Variants in CDH12 observed in about 807,000 individuals in gnomAD.
CDH12 encodes the protein cadherin 12, also known as cadherin-12.
CDH12 carries 41 observed loss-of-function variants against 74.1 expected under a neutral mutation model. That is an observed-to-expected ratio of 0.55 (90% confidence interval 0.43 to 0.72). The LOEUF is 0.72. Ranked by LOEUF, CDH12 falls within the 30% of genes least tolerant of loss-of-function variation. The pLI is 0.00. For missense variants in CDH12, 945 were observed against 977.2 expected (o/e 0.97, Z 0.44); for synonymous variants, 399 against 355.0 (o/e 1.12, Z -1.39).
At chr5:22,557,737 G>GA (rs1036520241) in intron 1 of CDH12, among the ~76,000 whole-genome samples, 1 of 151,698 alleles carries the variant, frequency 6.6e-6, no homozygotes, top group Middle Eastern at 3.2e-3. Flanking sequence ...GAATTACAAA[G>GA]AAAAAAATCA....
intron 11 of CDH12, among the ~76,000 whole-genome samples, chr5:21,780,685 T>C (rs1305074385): frequency 1.3e-5 from 2 of 152,216 alleles, no homozygotes; most frequent in Non-Finnish European, 2.9e-5. Flanking sequence ...TGGTCAGTTG[T>C]CATTTATTGT....
intron 2 of CDH12, among the ~76,000 whole-genome samples, chr5:22,442,155 T>C (rs1744653833): frequency 6.6e-6 from 1 of 152,166 alleles, no homozygotes; most frequent in Non-Finnish European, 1.5e-5. Flanking sequence ...TGCGTATAGC[T>C]TTGAGAATTA....
intron 6 of CDH12, among the ~76,000 whole-genome samples, chr5:21,965,186 G>A (rs574336968): frequency 1.3e-3 from 193 of 152,102 alleles, no homozygotes; most frequent in African/African-American, 4.1e-3. Context: ...GAAAATAGAA[G>A]TGTATACTCT....
chr5:22,492,144 G>A (rs959409345), intron 2 of CDH12, among the ~76,000 whole-genome samples: 5 of 152,044 alleles, frequency 3.3e-5, no homozygotes, highest in Non-Finnish European at 5.9e-5. Context: ...ACACAGCCTG[G>A]CAGAAGCACA....
chr5:22,700,893 G>A (rs2126959343), intron 1 of CDH12, among the ~76,000 whole-genome samples: 1 of 152,300 alleles, frequency 6.6e-6, no homozygotes, highest in East Asian at 1.9e-4. Flanking sequence ...TAAATAGAGA[G>A]TTGTAAGATA....
chr5:21,901,924 T>C (rs146606848), intron 6 of CDH12, among the ~76,000 whole-genome samples: 6 of 148,256 alleles, frequency 4.0e-5, no homozygotes, highest in African/African-American at 1.2e-4. Flanking sequence ...GTATAACAGA[T>C]ACTCTATGAT....
At chr5:22,682,812 A>T (rs188206538) in intron 1 of CDH12, among the ~76,000 whole-genome samples, 1 of 152,200 alleles carries the variant, frequency 6.6e-6, no homozygotes, top group Non-Finnish European at 1.5e-5. Flanking sequence ...AAAAAAAAGC[A>T]AAACAAAACA....
intron 5 of CDH12, among the ~76,000 whole-genome samples, chr5:22,021,358 A>G (rs1219106781): frequency 6.6e-6 from 1 of 152,182 alleles, no homozygotes; most frequent in Non-Finnish European, 1.5e-5. Flanking sequence ...GGGAAAGAAG[A>G]AAGGAGATAG....
intron 1 of CDH12, among the ~76,000 whole-genome samples, chr5:22,636,580 G>A (rs144383476): frequency 7.7e-4 from 117 of 152,238 alleles, no homozygotes; most frequent in African/African-American, 2.7e-3. Flanking sequence ...AAAATGACAC[G>A]TTGTTGAAGT....
intron 3 of CDH12, among the ~76,000 whole-genome samples, chr5:22,258,851 C>A (rs1017672092): frequency 1.3e-5 from 2 of 152,036 alleles, no homozygotes; most frequent in Non-Finnish European, 2.9e-5. Context: ...CCTAGGTTTG[C>A]GTTAAGTACA....
At chr5:22,627,318 A>C in intron 1 of CDH12, among the ~76,000 whole-genome samples, 1 of 152,236 alleles carries the variant, frequency 6.6e-6, no homozygotes, top group Non-Finnish European at 1.5e-5. Flanking sequence ...ATAAAAGAAA[A>C]ATATATTAAA....
chr5:22,185,411 C>T (rs1749887227), intron 4 of CDH12, among the ~76,000 whole-genome samples: 1 of 152,012 alleles, frequency 6.6e-6, no homozygotes, highest in Non-Finnish European at 1.5e-5. Flanking sequence ...GTTGGGCAGG[C>T]TGGTCTTTGA....
intron 3 of CDH12, among the ~76,000 whole-genome samples, chr5:22,339,861 T>C (rs1343229444): frequency 6.6e-6 from 1 of 152,212 alleles, no homozygotes; most frequent in Non-Finnish European, 1.5e-5. Flanking sequence ...ATGTTACATA[T>C]ATACATAGAA....
chr5:22,619,956 T>C (rs1312946440), intron 1 of CDH12, among the ~76,000 whole-genome samples: 1 of 152,114 alleles, frequency 6.6e-6, no homozygotes, highest in East Asian at 1.9e-4. Context: ...AAAATCCTTT[T>C]CATGTGGTCA....
chr5:21,964,871 A>G (rs537658022), intron 6 of CDH12, among the ~76,000 whole-genome samples: 89 of 152,174 alleles, frequency 5.8e-4, no homozygotes, highest in Non-Finnish European at 1.1e-3. Context: ...GGTATAGACT[A>G]GACTATTTTT....
At chr5:22,351,795 T>C (rs1463184671) in intron 3 of CDH12, among the ~76,000 whole-genome samples, 1 of 152,212 alleles carries the variant, frequency 6.6e-6, no homozygotes, top group African/African-American at 2.4e-5. Flanking sequence ...GGCAAGAACA[T>C]TTTTCTTGTC....
At chr5:21,764,644 A>G (rs1213199030) in intron 12 of CDH12, among the ~76,000 whole-genome samples, 2 of 119,054 alleles carry the variant, frequency 1.7e-5, no homozygotes, top group Non-Finnish European at 3.8e-5. Context: ...GCAAGACTTC[A>G]TATCAAGAAA....
chr5:22,150,159 AT>A (rs2150308545), intron 4 of CDH12, among the ~76,000 whole-genome samples: 1 of 152,200 alleles, frequency 6.6e-6, no homozygotes, highest in South Asian at 2.1e-4. Context: ...CCACTCAGGT[AT>A]GAATATTCTG....
chr5:22,734,708 T>A (rs973543920), intron 1 of CDH12, among the ~76,000 whole-genome samples: 7 of 151,968 alleles, frequency 4.6e-5, no homozygotes, highest in African/African-American at 1.7e-4. Context: ...TGAGTTGAAT[T>A]TCCCCCTCTA....
Sources: gnomAD v4.1 joint callset for allele counts (sites outside exome capture counted in the v4.1 genomes callset) on GRCh38, gnomAD v4.1.1 for gene constraint, MANE v1.5 for transcripts, NCBI Gene and HGNC (gene_info 2026-07-23, HGNC 2026-07-21) for gene names.